Variants in IGSF11 observed in about 807,000 individuals in gnomAD.
The protein encoded by IGSF11 is immunoglobulin superfamily member 11, also known as CXADR like 1.
Under a neutral mutation model 41.0 loss-of-function variants are expected in IGSF11, and 22 were observed. That is an observed-to-expected ratio of 0.54 (90% CI 0.38 to 0.77). IGSF11 has a LOEUF of 0.77. Ranked by LOEUF, IGSF11 falls within the 30% of genes least tolerant of loss-of-function variation. IGSF11 has a pLI of 0.00. For synonymous variants in IGSF11, 219 were observed against 201.3 expected, an observed-to-expected ratio of 1.09 and a Z score of -0.74; for missense variants, 444 against 530.8, an observed-to-expected ratio of 0.84 and a Z score of 1.61.
At chr3:118,925,494 T>G (rs1419098962) in intron 4 of IGSF11, among the ~76,000 whole-genome samples, 1 of 152,200 alleles carries the variant, frequency 6.6e-6, no homozygotes, top group African/African-American at 2.4e-5. Flanking sequence ...TCCCCTCATT[T>G]TATTTGACAA....
At chr3:118,929,119 T>C (rs1439104496) in intron 2 of IGSF11, among the ~76,000 whole-genome samples, 2 of 152,190 alleles carry the variant, frequency 1.3e-5, no homozygotes, top group Non-Finnish European at 2.9e-5. Context: ...TGTAAATAAA[T>C]GTCACAGAAG....
intron 1 of IGSF11, among the ~76,000 whole-genome samples, chr3:118,975,654 T>C (rs1475250796): frequency 6.6e-6 from 1 of 152,200 alleles, no homozygotes; most frequent in Non-Finnish European, 1.5e-5. Context: ...AAAGAAAATG[T>C]GGTACACATA....
rs72966861 is a variant in IGSF11 at position 118,904,918 on chromosome 3, T to C, written c.704-120A>G. The C allele has an allele frequency of 1.4e-3, 1,088 of 784,580 alleles. 6 individuals are homozygous for C. In the African/African-American group the frequency reaches 0.017, roughly 12 times the overall value. The allele number at this position is 784,580 out of a possible 1,614,324, so 48.6% of individuals were successfully genotyped here. A position where few individuals can be genotyped will look rare whatever the true frequency, so the allele number is the denominator to read the frequency against. On this transcript the variant is annotated intron_variant, in intron 5 of 6. Coordinates refer to ENST00000393775, the MANE Select transcript of IGSF11 (RefSeq NM_001015887.3). ...AATCTGCTTAAAACGTATAAAACTC[T>C]CTAAAATCTTTCATCTATATAAAGT...
intron 1 of IGSF11, among the ~76,000 whole-genome samples, chr3:119,054,413 T>C (rs151190347): frequency 3.9e-5 from 6 of 152,132 alleles, no homozygotes; most frequent in Non-Finnish European, 8.8e-5. Context: ...AAACAAATGG[T>C]CACCAAACAT....
chr3:119,095,597 C>T (rs999081294), intron 1 of IGSF11, among the ~76,000 whole-genome samples: 9 of 152,124 alleles, frequency 5.9e-5, no homozygotes, highest in Admixed American at 5.9e-4. Flanking sequence ...AGATAGGGAC[C>T]AAGGACTTCA....
At chr3:119,044,198 G>C (rs756246010) in intron 1 of IGSF11, among the ~76,000 whole-genome samples, 2 of 152,028 alleles carry the variant, frequency 1.3e-5, no homozygotes, top group African/African-American at 4.8e-5. Context: ...CAGAGAAATA[G>C]ACATCATAAA....
intron 1 of IGSF11, among the ~76,000 whole-genome samples, chr3:118,978,317 C>G (rs1298684520): frequency 6.6e-6 from 1 of 152,184 alleles, no homozygotes; most frequent in South Asian, 2.1e-4. Flanking sequence ...GTCACAGCCA[C>G]TGCCAACACT....
chr3:119,071,684 CTA>C (rs2076402478), intron 1 of IGSF11, among the ~76,000 whole-genome samples: 1 of 152,192 alleles, frequency 6.6e-6, no homozygotes, highest in African/African-American at 2.4e-5. Context: ...TTCCATTGAT[CTA>C]TATGTCCATC....
chr3:118,907,079 T>C (rs537089378), intron 4 of IGSF11, among the ~76,000 whole-genome samples: 1 of 151,970 alleles, frequency 6.6e-6, no homozygotes, highest in South Asian at 2.1e-4. Context: ...ACAGGACAAG[T>C]AAAAAAATAT....
chr3:119,116,239 G>C (rs1267425048), intron 1 of IGSF11, among the ~76,000 whole-genome samples: 1 of 152,124 alleles, frequency 6.6e-6, no homozygotes, highest in Non-Finnish European at 1.5e-5. Context: ...AAAGGCAGAA[G>C]ATGAAGGAAT....
chr3:119,069,129 G>A (rs907699770), intron 1 of IGSF11, among the ~76,000 whole-genome samples: 9 of 151,582 alleles, frequency 5.9e-5, no homozygotes, highest in East Asian at 1.9e-4. Context: ...GAGTTTCACC[G>A]TGTTAGCCAA....
chr3:119,063,647 T>C (rs28495115), intron 1 of IGSF11, among the ~76,000 whole-genome samples: 377 of 152,332 alleles, frequency 2.5e-3, no homozygotes, highest in Non-Finnish European at 4.6e-3. Flanking sequence ...CTTGTTATTA[T>C]AGTGTATAGT....
upstream of IGSF11, among the ~76,000 whole-genome samples, chr3:119,108,665 C>T (rs1331602565): frequency 5.1e-4 from 66 of 128,310 alleles, no homozygotes; most frequent in African/African-American, 1.8e-3. Context: ...CTGTCTTGTG[C>T]CAGTTTTCAA....
upstream of IGSF11, among the ~76,000 whole-genome samples, chr3:119,107,655 T>C (rs1189857547): frequency 1.9e-4 from 29 of 152,158 alleles, no homozygotes; most frequent in African/African-American, 5.3e-4. Context: ...GACATGAAGC[T>C]CTTGCCCATG....
chr3:119,035,647 G>T (rs551275309), upstream of IGSF11, among the ~76,000 whole-genome samples: 2 of 152,278 alleles, frequency 1.3e-5, no homozygotes, highest in Admixed American at 6.5e-5. Context: ...TTTGGGTTGG[G>T]TGGGGAGAAA....
intron 1 of IGSF11, among the ~76,000 whole-genome samples, chr3:119,123,463 C>T (rs1297489275): frequency 1.3e-5 from 2 of 152,222 alleles, no homozygotes; most frequent in Non-Finnish European, 2.9e-5. Flanking sequence ...ACTAGCTTTG[C>T]CGCTTGCCAC....
chr3:118,932,701 T>C (rs1942953349), intron 1 of IGSF11, among the ~76,000 whole-genome samples: 1 of 152,228 alleles, frequency 6.6e-6, no homozygotes, highest in Admixed American at 6.5e-5. Flanking sequence ...GTATTTGTTA[T>C]AGTGATATGA....
chr3:119,105,248 A>G, upstream of IGSF11: 2 of 1,101,054 alleles, frequency 1.8e-6, no homozygotes, highest in Non-Finnish European at 2.7e-6. Flanking sequence ...TTATGTCATC[A>G]TAACATTATA....
intron 1 of IGSF11, among the ~76,000 whole-genome samples, chr3:119,012,301 T>C (rs1487686915): frequency 1.3e-5 from 2 of 152,210 alleles, no homozygotes; most frequent in Admixed American, 6.5e-5. Flanking sequence ...AGGTCTGCTA[T>C]TCTCAGAATT....
Sources: allele counts gnomAD v4.1 joint callset (sites outside exome capture counted in the v4.1 genomes callset), GRCh38; gene constraint gnomAD v4.1.1; transcripts MANE v1.5; gene names NCBI Gene and HGNC (gene_info 2026-07-23, HGNC 2026-07-21).